The following SLC6A19 variants were observed in gnomAD, a reference collection of about 807,000 sequenced individuals.
SLC6A19 encodes the protein sodium-dependent neutral amino acid transporter B(0)AT1.
Under a neutral mutation model 68.3 loss-of-function variants are expected in SLC6A19, and 67 were observed. The ratio of observed to expected loss-of-function variants is 0.98; its 90% CI spans 0.81 to 1.20. SLC6A19 has a LOEUF of 1.20. Among genes scored for constraint, SLC6A19 ranks in the 50% most tolerant of loss-of-function variants. The probability of loss-of-function intolerance (pLI) is 0.00; values close to 1 mark genes in which losing one functional copy is unlikely to be tolerated. For missense variants in SLC6A19, 813 were observed against 851.6 expected (o/e 0.95, Z 0.56); for synonymous variants, 392 against 374.9 (o/e 1.05, Z -0.53).
intron 1 of SLC6A19, among the ~76,000 whole-genome samples, chr5:1,207,584 C>T (rs1478887886): frequency 1.3e-5 from 2 of 152,248 alleles, no homozygotes; most frequent in Admixed American, 1.3e-4. Context: ...CTCCCGGTCC[C>T]AGGCTGATTC....
intron 3 of SLC6A19, among the ~76,000 whole-genome samples, chr5:1,211,328 A>C (rs1746022307): frequency 6.6e-6 from 1 of 152,216 alleles, no homozygotes; most frequent in African/African-American, 2.4e-5. Flanking sequence ...CTTCCCCTTT[A>C]GAAAGGTCTC....
rs1017967523 is a variant in SLC6A19, at chr5:1,223,111, T to C, written c.*1207T>C. On this transcript the variant is annotated 3_prime_UTR_variant, in exon 12 of 12. Coordinates refer to ENST00000304460, the MANE Select transcript of SLC6A19 (RefSeq NM_001003841.3). ...CAGTTGCTGGCGATTCTGAGAAAAC[T>C]TGGCCGCATCCACCGGGGCCCTGCC... 11 of 152,042 alleles carry C rather than the reference T, an allele frequency of 7.2e-5. No homozygotes were observed. Among genetic ancestry groups the C allele is most frequent in the African/African-American group, 2.7e-4 (11 of 41,424 alleles). The allele number at this position is 152,042 out of a possible 1,614,324, so 9.4% of individuals were successfully genotyped here.
At chr5:1,218,007 G>GCCTCCTCCCC (rs1165109852) in intron 8 of SLC6A19, among the ~76,000 whole-genome samples, 2 of 151,224 alleles carry the variant, frequency 1.3e-5, no homozygotes, top group Admixed American at 1.3e-4. Context: ...CCATCCTGGC[G>GCCTCCTCCCC]CCTCCTCCCG....
chr5:1,210,296 G>A, intron 2 of SLC6A19, 148 bp from the exon 3 acceptor site: 1 of 1,130,968 alleles, frequency 8.8e-7, no homozygotes, highest in South Asian at 1.4e-5. Context: ...CATGATCCCG[G>A]CCTGCACTGG....
Position 1,213,957 on chromosome 5 carries a change from C to T in SLC6A19, c.779C>T (p.Thr260Met), listed in dbSNP as rs548464253. ...GIVFLFTPNV[T>M]ELAQPDTWLD... ...GAGGGTCTCCATGTGGCGCAGGTCA[C>T]GGAGCTGGCCCAGCCGGACACCTGG... Residue 260 changes from threonine (T) to methionine (M), a missense_variant, in exon 6 of 12, where the codon ACG becomes ATG. Thr to Met is a moderately conservative substitution (Grantham distance 81). Coordinates refer to ENST00000304460, the MANE Select transcript of SLC6A19 (RefSeq NM_001003841.3). 1.4e-4 allele frequency: 218 copies of T among 1,613,158 alleles called. 1 individual carries two copies. The highest frequency in any genetic ancestry group is 4.7e-4 in the South Asian group (43 of 91,082).
At chr5:1,216,486 G>A (rs554353718) in intron 6 of SLC6A19, 72 bp from the exon 7 acceptor site, 95 of 1,608,114 alleles carry the variant, frequency 5.9e-5, no homozygotes, top group East Asian at 1.3e-4. Flanking sequence ...GGCGGGATGC[G>A]GATGCTGCCC....
Position 1,212,212 on chromosome 5 carries a change from A to T in SLC6A19, c.482-91A>T. The T allele has an allele frequency of 6.5e-7, 1 of 1,537,486 alleles. No individual in the cohort carries two copies. Among genetic ancestry groups the T allele is most frequent in the Non-Finnish European group, 8.9e-7 (1 of 1,124,342 alleles). ...TGTCACTGGTGTCAAGGCCTCTGGA[A>T]CGTGGCTGGCATTTCTTCCAGCTCA... On this transcript the variant is annotated intron_variant, in intron 3 of 11. Transcript: ENST00000304460. The surrounding 1 kb of genome is among the most constrained non-coding windows in gnomAD (Gnocchi z 5.1).
At position 1,215,753 on chromosome 5, in the gene SLC6A19, G is replaced by A. The variant is rs1746190513; in HGVS notation, c.888-805G>A. Among the ~76,000 whole-genome samples the A allele has an allele frequency of 6.6e-6, 1 of 152,238 alleles. No individual in the cohort carries two copies. ...TTCGTTCTTCTGGGTGTGCGCCTAG[G>A]AGTGGAGTTGCTGCGTCATGCTGGC... is the stretch of plus-strand genomic sequence containing the variant. On this transcript the variant is annotated intron_variant, in intron 6 of 11. Coordinates refer to ENST00000304460, the MANE Select transcript of SLC6A19 (RefSeq NM_001003841.3). The surrounding 1 kb of genome is among the most constrained non-coding windows in gnomAD (Gnocchi z 5.1).
chr5:1,221,801 C>T lies in SLC6A19; in HGVS notation c.1802C>T (p.Ala601Val). ...GVPSLTIPGYAIYKLIRNHCQ... is the reference protein window; with the variant it reads ...GVPSLTIPGYVIYKLIRNHCQ... ...CCCTCCCTCACCATCCCTGGCTATG[C>T]CATCTACAAGCTCATCAGGAACCAC... Residue 601 changes from alanine to valine, a missense_variant, in exon 12 of 12, where the codon GCC becomes GTC. Transcript: ENST00000304460. 1 of 1,614,212 alleles carries T rather than the reference C, an allele frequency of 6.2e-7. No homozygotes were observed. The highest frequency in any genetic ancestry group is 1.7e-5 in the Admixed American group (1 of 60,030).
intron 3 of SLC6A19, among the ~76,000 whole-genome samples, chr5:1,211,063 T>C (rs576370688): frequency 3.9e-5 from 6 of 152,122 alleles, no homozygotes; most frequent in Non-Finnish European, 8.8e-5. Flanking sequence ...ACGTGTGACA[T>C]GCAATCAGCT....
chr5:1,222,018 CGTGT>C lies in SLC6A19; in HGVS notation c.*118_*121del. 8.6e-7 allele frequency: 1 copy of C among 1,166,352 alleles called. No homozygotes were observed. Among genetic ancestry groups the C allele is most frequent in the South Asian group, 1.4e-5 (1 of 69,888 alleles). 72.3% of individuals were successfully genotyped at this position (1,166,352 alleles called of 1,614,324 possible). A position where few individuals can be genotyped will look rare whatever the true frequency, so the allele number is the denominator to read the frequency against. On this transcript the variant is annotated 3_prime_UTR_variant, in exon 12 of 12. Transcript: ENST00000304460. ...ATGTGTGTAAGCGTGAGTGTATGCTCGTGTGTGAGTGTGTGTATTGTACACGCAT... is the reference window on the plus strand; with the variant it reads ...ATGTGTGTAAGCGTGAGTGTATGCTCGTGAGTGTGTGTATTGTACACGCAT...
In SLC6A19 at chr5:1,215,719, ACG is replaced by A. The variant is rs1211121930; in HGVS notation, c.888-837_888-836del. 1.3e-5 allele frequency among the ~76,000 whole-genome samples: 2 copies of A among 151,924 alleles called. No individual in the cohort carries two copies. The highest frequency in any genetic ancestry group is 2.9e-5 in the Non-Finnish European group (2 of 67,990). The stretch of plus-strand genomic sequence containing the variant: ...AGCCTGTGTGTACGCGTTTTTGTGG[ACG>A]CATGCTTTCGTTCTTCTGGGTGTGC... On this transcript the variant is annotated intron_variant, in intron 6 of 11. Transcript: ENST00000304460. The surrounding 1 kb of genome is among the most constrained non-coding windows in gnomAD (Gnocchi z 5.1).
Position 1,224,437 on chromosome 5 carries a change from T to A in SLC6A19, c.*2533T>A, listed in dbSNP as rs1220710245. 1.3e-5 allele frequency: 2 copies of A among 152,294 alleles called. No homozygotes were observed. The highest frequency in any genetic ancestry group is 2.9e-5 in the Non-Finnish European group (2 of 68,080). The allele number at this position is 152,294 out of a possible 1,614,324, so 9.4% of individuals were successfully genotyped here. ...TAGAGGGATGAGTGAGCCAGTGACC[T>A]CAGACGGGATGGTGGGGACGGCAGG... On this transcript the variant is annotated 3_prime_UTR_variant, in exon 12 of 12. Transcript: ENST00000304460.
intron 1 of SLC6A19, among the ~76,000 whole-genome samples, chr5:1,207,287 G>C (rs964170276): frequency 1.3e-5 from 2 of 152,162 alleles, no homozygotes; most frequent in African/African-American, 4.8e-5. Context: ...TGATGCCCAG[G>C]AGTGGCTGCA....
At chr5:1,213,895 C>A in intron 5 of SLC6A19, 58 bp from the exon 6 acceptor site, 1 of 1,583,776 alleles carries the variant, frequency 6.3e-7, no homozygotes. Flanking sequence ...GCACACCCTC[C>A]CAGGTCCCCA....
At chr5:1,206,191 G>A (rs955879031) in intron 1 of SLC6A19, among the ~76,000 whole-genome samples, 10 of 152,174 alleles carry the variant, frequency 6.6e-5, no homozygotes, top group African/African-American at 2.4e-4. Context: ...CAGGGGCCAA[G>A]TGAGGAAGTC....
In SLC6A19 at chr5:1,215,079, G is replaced by A. The variant is rs1301528694; in HGVS notation, c.887+1014G>A. Among the ~76,000 whole-genome samples the A allele has an allele frequency of 6.6e-6, 1 of 152,016 alleles. No individual in the cohort carries two copies. The highest frequency in any genetic ancestry group is 2.4e-5 in the African/African-American group (1 of 41,370). On this transcript the variant is annotated intron_variant, in intron 6 of 11. Coordinates refer to ENST00000304460, the MANE Select transcript of SLC6A19 (RefSeq NM_001003841.3). This position sits in a 1 kb window ranked among gnomAD's most constrained non-coding sequence, Gnocchi z 5.1. Reference sequence around the variant, plus strand: ...TTGTGCGAGCACTGGGTGGAGCAGTGAAGCCCCACCCAGGCCTCAGGAGCT... The same window carrying A: ...TTGTGCGAGCACTGGGTGGAGCAGTAAAGCCCCACCCAGGCCTCAGGAGCT...
chr5:1,202,215 A>T (rs1315193800), intron 1 of SLC6A19, among the ~76,000 whole-genome samples: 1 of 152,162 alleles, frequency 6.6e-6, no homozygotes, highest in African/African-American at 2.4e-5. Flanking sequence ...CCTCCTGGGC[A>T]TCACCTCTCG....
Position 1,208,804 on chromosome 5 carries a change from C to T in SLC6A19, c.261C>T (p.Tyr87=). The change falls in exon 2 of 12, where the codon TAC becomes TAT. Residue 87 remains tyrosine (Y), a synonymous_variant. Transcript: ENST00000304460. ...TCCTGGAGGGCATCCCCCTGCTGTACCTGGAGTTCGCCATCGGGCAGCGGC... is the reference window on the plus strand; with the variant it reads ...TCCTGGAGGGCATCCCCCTGCTGTATCTGGAGTTCGCCATCGGGCAGCGGC... The part of the protein sequence containing the change: ...LLVLEGIPLL[Y]LEFAIGQRLR... 1.2e-6 allele frequency: 2 copies of T among 1,613,258 alleles called. No homozygotes were observed. The highest frequency in any genetic ancestry group is 1.3e-5 in the African/African-American group (1 of 75,024).
Sources: gnomAD v4.1 joint callset for allele counts (sites outside exome capture counted in the v4.1 genomes callset) on GRCh38, gnomAD v4.1.1 for gene constraint, Gnocchi (gnomAD v3.1) non-coding constraint, MANE v1.5 for transcripts, NCBI Gene and HGNC (gene_info 2026-07-23, HGNC 2026-07-21) for gene names.